The following ANGPTL5 variants were observed in gnomAD, a reference collection of about 807,000 sequenced individuals.
ANGPTL5 encodes angiopoietin like 5, also known as angiopoietin-related protein 5.
A neutral mutation model predicts 39.4 loss-of-function variants in ANGPTL5; 34 were observed. That is an observed-to-expected ratio of 0.86 (90% confidence interval 0.66 to 1.15). ANGPTL5 has a LOEUF of 1.15. Ranked by LOEUF, ANGPTL5 falls within the 50% of genes most tolerant of loss-of-function variation. The pLI, the probability that ANGPTL5 is intolerant of heterozygous loss-of-function variation, is 0.00. For missense variants in ANGPTL5, 467 were observed against 457.5 expected (o/e 1.02, Z -0.19); for synonymous variants, 146 against 152.1 (o/e 0.96, Z 0.29).
In ANGPTL5 at chr11:101,899,718, C is replaced by A. The variant is rs184616075; in HGVS notation, c.661+712G>T. Among the ~76,000 whole-genome samples the A allele has an allele frequency of 6.6e-5, 10 of 152,314 alleles. No homozygotes were observed. In the East Asian group the frequency reaches 1.9e-3, roughly 29 times the overall value. On this transcript the variant is annotated intron_variant, in intron 7 of 8. Transcript: ENST00000334289. ...GCATTTTTAGCACTAGGACTGACAC[C>A]ACCACTTACCAAATCCTTGGATGAC...
intron 8 of ANGPTL5, among the ~76,000 whole-genome samples, chr11:101,893,936 GTTCT>G (rs1290880372): frequency 6.6e-6 from 1 of 152,098 alleles, no homozygotes; most frequent in Non-Finnish European, 1.5e-5. Flanking sequence ...TAGATCAGTG[GTTCT>G]CAACTACAAG....
At chr11:101,911,572 G>T (rs961232274) in intron 1 of ANGPTL5, among the ~76,000 whole-genome samples, 1 of 152,096 alleles carries the variant, frequency 6.6e-6, no homozygotes, top group African/African-American at 2.4e-5. Context: ...CATTTTAAAA[G>T]TGTGTGGCAC....
At chr11:101,895,924 A>G (rs1170177983) in intron 7 of ANGPTL5, among the ~76,000 whole-genome samples, 1 of 152,140 alleles carries the variant, frequency 6.6e-6, no homozygotes, top group African/African-American at 2.4e-5. Context: ...AACTCTTCAA[A>G]TTATAGCTAA....
chr11:101,911,403 C>T (rs769109068), intron 1 of ANGPTL5, among the ~76,000 whole-genome samples: 3 of 152,000 alleles, frequency 2.0e-5, no homozygotes, highest in Non-Finnish European at 4.4e-5. Flanking sequence ...GGATTACAGG[C>T]GTGAGCCACC....
intron 7 of ANGPTL5, among the ~76,000 whole-genome samples, chr11:101,897,836 A>T (rs1939826996): frequency 6.6e-6 from 1 of 152,200 alleles, no homozygotes. Flanking sequence ...TTGACTATAC[A>T]GGCTCTTTTT....
intron 1 of ANGPTL5, chr11:101,915,363 C>CCCCTCGG (rs1940182914): frequency 1.2e-6 from 2 of 1,613,962 alleles, no homozygotes; most frequent in East Asian, 4.5e-5. Flanking sequence ...CGACAGAGCC[C>CCCCTCGG]CCCTCGGCCC....
chr11:101,907,099 T>A lies in ANGPTL5; in HGVS notation c.241+4A>T, dbSNP rs375253081. 19 of 1,552,286 alleles carry A rather than the reference T, an allele frequency of 1.2e-5. No homozygotes were observed. In the African/African-American group the frequency reaches 2.3e-4, roughly 19 times the overall value. On this transcript the variant is annotated splice_donor_region_variant and intron_variant, in intron 3 of 8. Transcript: ENST00000334289. ...TTATTATTTTGTTTATTTTTAATACTTACTACACATGAAATGTTTTTCTTC... is the reference window on the plus strand; with the variant it reads ...TTATTATTTTGTTTATTTTTAATACATACTACACATGAAATGTTTTTCTTC...
chr11:101,911,390 C>T (rs1367724618), intron 1 of ANGPTL5, among the ~76,000 whole-genome samples: 1 of 152,036 alleles, frequency 6.6e-6, no homozygotes, highest in Non-Finnish European at 1.5e-5. Context: ...TCCCAAAGTG[C>T]TGGGATTACA....
In ANGPTL5 at chr11:101,904,992, A is replaced by T; in HGVS notation, c.346-85T>A. On this transcript the variant is annotated intron_variant, in intron 4 of 8. Coordinates refer to ENST00000334289, the MANE Select transcript of ANGPTL5 (RefSeq NM_178127.5). ...CCTCTCATAAACCCAGCTCTGAAAT[A>T]CGTAATGGTGCCCATTTTTCTAGAT... 5 of 981,602 alleles carry T rather than the reference A, an allele frequency of 5.1e-6. No homozygotes were observed. The South Asian group carries it at 6.7e-5, about 13-fold the overall frequency. 60.8% of individuals were successfully genotyped at this position (981,602 alleles called of 1,614,324 possible). A position where few individuals can be genotyped will look rare whatever the true frequency, so the allele number is the denominator to read the frequency against.
chr11:101,893,152 T>G (rs189621914), intron 8 of ANGPTL5, among the ~76,000 whole-genome samples: 15 of 152,324 alleles, frequency 9.8e-5, no homozygotes, highest in Admixed American at 7.8e-4. Context: ...AAAAAATATA[T>G]GCATAGGCTT....
chr11:101,908,190 GATAA>G (rs976783087), intron 1 of ANGPTL5, among the ~76,000 whole-genome samples, 189 bp from the exon 2 acceptor site: 4 of 152,080 alleles, frequency 2.6e-5, no homozygotes, highest in Admixed American at 6.5e-5. Context: ...GCAACAAATA[GATAA>G]ATAAGTAAAT....
intron 1 of ANGPTL5, among the ~76,000 whole-genome samples, chr11:101,909,229 CCAAA>C (rs1424511461): frequency 6.6e-6 from 1 of 152,158 alleles, no homozygotes; most frequent in Non-Finnish European, 1.5e-5. Flanking sequence ...CTATTTAAAC[CCAAA>C]CAATCATATC....
chr11:101,891,433 C>G lies in ANGPTL5; in HGVS notation c.1013G>C (p.Cys338Ser), dbSNP rs759572295. The change falls in exon 9 of 9, where the codon TGT becomes TCT. Residue 338 changes from cysteine (C) to serine (S), a missense_variant. Transcript: ENST00000334289. ...AATGCCATTTAGATTTGCTAGACCACACTCGTTAAACCACCAGCCGGTCTT... is the reference window on the plus strand; with the variant it reads ...AATGCCATTTAGATTTGCTAGACCAGACTCGTTAAACCACCAGCCGGTCTT... The part of the protein sequence containing the change: ...HNKTGWWFNE[C>S]GLANLNGIHH... 2.8e-5 allele frequency: 45 copies of G among 1,614,116 alleles called. 1 individual carries two copies. In the East Asian group the frequency reaches 9.6e-4, roughly 34 times the overall value.
chr11:101,905,855 A>G lies in ANGPTL5; in HGVS notation c.242-8T>C, dbSNP rs1255303002. The G allele has an allele frequency of 6.0e-6, 9 of 1,498,738 alleles. No homozygotes were observed. The highest frequency in any genetic ancestry group is 2.3e-5 in the East Asian group (1 of 44,132). The allele number at this position is 1,498,738 out of a possible 1,614,324, so 92.8% of individuals were successfully genotyped here. Reference sequence around the variant, plus strand: ...TAGAATTTTGCAAATTTCCTTAACCATAATAAAAAGTGGCTGTTAAATATT... The same window carrying G: ...TAGAATTTTGCAAATTTCCTTAACCGTAATAAAAAGTGGCTGTTAAATATT... On this transcript the variant is annotated splice_region_variant and splice_polypyrimidine_tract_variant and intron_variant, in intron 3 of 8. Transcript: ENST00000334289.
intron 4 of ANGPTL5, 139 bp from the exon 5 acceptor site, chr11:101,905,046 A>T: frequency 1.5e-6 from 1 of 683,468 alleles, no homozygotes; most frequent in Non-Finnish European, 2.6e-6. Flanking sequence ...ACAAAGAATA[A>T]AGGCAAAGCT....
chr11:101,891,164 G>T lies in ANGPTL5; in HGVS notation c.*115C>A. 1 of 911,798 alleles carries T rather than the reference G, an allele frequency of 1.1e-6. No homozygotes were observed. The allele number at this position is 911,798 out of a possible 1,614,324, so 56.5% of individuals were successfully genotyped here. A position where few individuals can be genotyped will look rare whatever the true frequency, so the allele number is the denominator to read the frequency against. ...CTAATTAAACTCATAACATCTAAATGCCATCTACAGTTAAATTTTGCCTAA... is the reference window on the plus strand; with the variant it reads ...CTAATTAAACTCATAACATCTAAATTCCATCTACAGTTAAATTTTGCCTAA... On this transcript the variant is annotated 3_prime_UTR_variant, in exon 9 of 9. Transcript: ENST00000334289.
At chr11:101,900,990 T>C (rs1939885754) in intron 6 of ANGPTL5, among the ~76,000 whole-genome samples, 1 of 149,028 alleles carries the variant, frequency 6.7e-6, no homozygotes, top group East Asian at 2.0e-4. Context: ...TAGCTGGGAC[T>C]ACAGGCGCCC....
At chr11:101,911,280 C>T (rs377602171) in intron 1 of ANGPTL5, among the ~76,000 whole-genome samples, 48 of 151,774 alleles carry the variant, frequency 3.2e-4, no homozygotes, top group Non-Finnish European at 5.7e-4. Context: ...CTTGCCACCA[C>T]GCCCAGTTAA....
At chr11:101,912,502 A>G (rs577702715) in intron 1 of ANGPTL5, among the ~76,000 whole-genome samples, 16 of 152,334 alleles carry the variant, frequency 1.1e-4, no homozygotes, top group South Asian at 2.1e-4. Context: ...ATAAGAATCT[A>G]GGATTCTACA....
Sources: allele counts gnomAD v4.1 joint callset (sites outside exome capture counted in the v4.1 genomes callset), GRCh38; gene constraint gnomAD v4.1.1; transcripts MANE v1.5; gene names NCBI Gene and HGNC (gene_info 2026-07-23, HGNC 2026-07-21).